Variants in METTL15 observed in about 807,000 individuals in gnomAD.
METTL15 encodes 12S rRNA N(4)-cytidine methyltransferase METTL15.
METTL15 carries 34 observed loss-of-function variants against 38.3 expected under a neutral mutation model. The ratio of observed to expected loss-of-function variants is 0.89; its 90% CI spans 0.68 to 1.18. METTL15 has a LOEUF of 1.18. Among genes scored for constraint, METTL15 ranks in the 50% most tolerant of loss-of-function variants. The pLI is 0.00. For missense variants in METTL15, 438 were observed against 498.4 expected (o/e 0.88, Z 1.15); for synonymous variants, 162 against 170.9 (o/e 0.95, Z 0.41).
chr11:28,291,881 G>A (rs551812134), intron 5 of METTL15, among the ~76,000 whole-genome samples: 1 of 151,958 alleles, frequency 6.6e-6, no homozygotes, highest in Non-Finnish European at 1.5e-5. Context: ...GGTCCCTGTG[G>A]TTTTCCCAAG....
intron 4 of METTL15, among the ~76,000 whole-genome samples, chr11:28,289,582 T>C (rs1856428011): frequency 6.6e-6 from 1 of 152,142 alleles, no homozygotes; most frequent in African/African-American, 2.4e-5. Context: ...AGCTGCAAGG[T>C]GATCCCAATT....
chr11:28,454,821 G>A (rs1851154128), intron 6 of METTL15, among the ~76,000 whole-genome samples: 1 of 152,066 alleles, frequency 6.6e-6, no homozygotes, highest in African/African-American at 2.4e-5. Context: ...TTATTCTCTG[G>A]AATTTGATTT....
intron 5 of METTL15, among the ~76,000 whole-genome samples, chr11:28,392,687 A>G (rs1026437066): frequency 6.6e-6 from 1 of 152,150 alleles, no homozygotes; most frequent in Non-Finnish European, 1.5e-5. Context: ...AGTTTTGCAC[A>G]TCACAGGAAA....
intron 6 of METTL15, among the ~76,000 whole-genome samples, chr11:28,441,466 G>A (rs1851034369): frequency 6.6e-6 from 1 of 152,094 alleles, no homozygotes; most frequent in Admixed American, 6.6e-5. Flanking sequence ...TCTTACTCCT[G>A]AATTTTCAGT....
At chr11:28,360,745 T>A (rs1350826315) in intron 4 of METTL15, among the ~76,000 whole-genome samples, 1 of 151,778 alleles carries the variant, frequency 6.6e-6, no homozygotes, top group African/African-American at 2.4e-5. Context: ...GCCATGCTGG[T>A]GTGCTGCACC....
At chr11:28,215,995 A>G (rs1323036404) in intron 4 of METTL15, among the ~76,000 whole-genome samples, 1 of 152,140 alleles carries the variant, frequency 6.6e-6, no homozygotes, top group Non-Finnish European at 1.5e-5. Flanking sequence ...ACAGAGCAAG[A>G]TCCTGTCTCA....
intron 6 of METTL15, among the ~76,000 whole-genome samples, chr11:28,446,528 T>G (rs1301287934): frequency 1.3e-5 from 2 of 152,088 alleles, no homozygotes; most frequent in Admixed American, 6.5e-5. Flanking sequence ...GTTTCTTTTC[T>G]TTAGGTTAGG....
At chr11:28,440,260 A>G (rs2133439851) in intron 6 of METTL15, among the ~76,000 whole-genome samples, 1 of 152,346 alleles carries the variant, frequency 6.6e-6, no homozygotes, top group African/African-American at 2.4e-5. Flanking sequence ...AAGTAGTTGT[A>G]CATCTATGTG....
chr11:28,350,771 G>C (rs1850034175), intron 3 of METTL15, among the ~76,000 whole-genome samples: 1 of 152,126 alleles, frequency 6.6e-6, no homozygotes, highest in Non-Finnish European at 1.5e-5. Context: ...AGCACTATAA[G>C]ACAAAAATCT....
intron 6 of METTL15, among the ~76,000 whole-genome samples, chr11:28,440,388 G>T: frequency 6.6e-6 from 1 of 151,960 alleles, no homozygotes. Context: ...TGCCACAAAA[G>T]AAAAAAATCC....
intron 4 of METTL15, among the ~76,000 whole-genome samples, chr11:28,242,067 A>G (rs544948079): frequency 1.3e-5 from 2 of 152,338 alleles, no homozygotes; most frequent in African/African-American, 4.8e-5. Flanking sequence ...AGAAACAGGG[A>G]TCCATTAAAA....
rs200065997 is a variant in METTL15, at chr11:28,492,762, A to G, written c.*425-33716A>G. ...AAATATAACAAAATGCTAGTATCTTATGTAAGTACAGACTGGAATAATTTA... is the reference window on the plus strand; with the variant it reads ...AAATATAACAAAATGCTAGTATCTTGTGTAAGTACAGACTGGAATAATTTA... On this transcript the variant is annotated intron_variant and NMD_transcript_variant, in intron 6 of 7. Coordinates refer to the METTL15 transcript ENST00000532947. 2.6e-5 allele frequency among the ~76,000 whole-genome samples: 4 copies of G among 152,142 alleles called. No individual in the cohort carries two copies. The East Asian group carries it at 7.7e-4, about 29-fold the overall frequency.
intron 3 of METTL15, among the ~76,000 whole-genome samples, chr11:28,161,853 A>T (rs901132408): frequency 3.3e-5 from 5 of 152,134 alleles, no homozygotes; most frequent in African/African-American, 4.8e-5. Context: ...GTTGAAAATG[A>T]AAATTACAAT....
At chr11:28,133,852 C>A (rs904506278) in intron 3 of METTL15, among the ~76,000 whole-genome samples, 4 of 152,064 alleles carry the variant, frequency 2.6e-5, no homozygotes, top group African/African-American at 9.7e-5. Context: ...CCATAGAAAC[C>A]ATGAGATAAT....
At chr11:28,130,043 C>A (rs1411304402) in intron 3 of METTL15, among the ~76,000 whole-genome samples, 1 of 152,076 alleles carries the variant, frequency 6.6e-6, no homozygotes, top group Non-Finnish European at 1.5e-5. Flanking sequence ...GGCATGGTGG[C>A]TCACGCATAT....
intron 3 of METTL15, among the ~76,000 whole-genome samples, chr11:28,124,737 A>G (rs1852400279): frequency 6.6e-6 from 1 of 152,096 alleles, no homozygotes; most frequent in African/African-American, 2.4e-5. Flanking sequence ...CCGAGGTACC[A>G]TTAGTCTCTT....
At chr11:28,185,640 A>G (rs1317820686) in intron 3 of METTL15, among the ~76,000 whole-genome samples, 1 of 151,334 alleles carries the variant, frequency 6.6e-6, no homozygotes, top group Non-Finnish European at 1.5e-5. Flanking sequence ...AAAATAATGG[A>G]TTGATTATTT....
At chr11:28,180,375 T>C (rs1297697752) in intron 3 of METTL15, among the ~76,000 whole-genome samples, 1 of 151,918 alleles carries the variant, frequency 6.6e-6, no homozygotes, top group Non-Finnish European at 1.5e-5. Context: ...AATTTTGTTG[T>C]GAAACTAGAG....
At chr11:28,229,557 A>G (rs565535876) in intron 4 of METTL15, among the ~76,000 whole-genome samples, 1 of 152,040 alleles carries the variant, frequency 6.6e-6, no homozygotes, top group African/African-American at 2.4e-5. Context: ...ACCCTCACAA[A>G]TGGAATTAAT....
Sources: allele counts gnomAD v4.1 joint callset (sites outside exome capture counted in the v4.1 genomes callset), GRCh38; gene constraint gnomAD v4.1.1; transcripts MANE v1.5; gene names NCBI Gene and HGNC (gene_info 2026-07-23, HGNC 2026-07-21).